TTC39B: variants seen among roughly 807,000 people sequenced by gnomAD.
TTC39B encodes the protein tetratricopeptide repeat protein 39B.
A neutral mutation model predicts 96.6 loss-of-function variants in TTC39B; 92 were observed. The observed-to-expected ratio is 0.95, with a 90% CI of 0.80 to 1.13. The LOEUF (loss-of-function observed/expected upper bound fraction) is 1.13, where lower values mean the gene tolerates loss of function less well. Among genes scored for constraint, TTC39B ranks in the 50% most tolerant of loss-of-function variants. The probability of loss-of-function intolerance (pLI) is 0.00; values close to 1 mark genes in which losing one functional copy is unlikely to be tolerated. For synonymous variants in TTC39B, 367 were observed against 299.4 expected (o/e 1.23, Z -2.33); for missense variants, 955 against 809.3 (o/e 1.18, Z -2.18).
chr9:15,199,353 A>T (rs553898484), intron 8 of TTC39B, among the ~76,000 whole-genome samples: 1 of 152,326 alleles, frequency 6.6e-6, no homozygotes, highest in Admixed American at 6.5e-5. Flanking sequence ...AGCTCTTAAA[A>T]TTGTATTTAA....
At chr9:15,290,341 A>T (rs554271562) in intron 1 of TTC39B, among the ~76,000 whole-genome samples, 1 of 152,260 alleles carries the variant, frequency 6.6e-6, no homozygotes, top group East Asian at 1.9e-4. Context: ...AGTCACACAA[A>T]AACTTCCTCC....
intron 1 of TTC39B, among the ~76,000 whole-genome samples, chr9:15,277,426 A>AAAC (rs1178571770): frequency 6.6e-6 from 1 of 152,170 alleles, no homozygotes; most frequent in Non-Finnish European, 1.5e-5. Flanking sequence ...CTCCGTCTAA[A>AAAC]AACAACAACA....
exon 6 of TTC39B, chr9:15,210,144 A>G (rs1820111237): frequency 1.9e-6 from 3 of 1,604,996 alleles, no homozygotes; most frequent in Non-Finnish European, 2.5e-6. Context: ...AGATTCTACA[A>G]CTGTGTATTT....
chr9:15,190,549 C>A lies in TTC39B; in HGVS notation c.1105+5G>T. On this transcript the variant is annotated splice_donor_5th_base_variant and intron_variant, in intron 11 of 19. Coordinates refer to ENST00000512701, the Ensembl canonical transcript of TTC39B. ...TTCAATGAAACAATCTAATCCAGAT[C>A]TTACCAAGTATTAGGGAGATGTAAG... is the stretch of plus-strand genomic sequence containing the variant. 4.4e-6 allele frequency: 7 copies of A among 1,609,156 alleles called. No individual in the cohort carries two copies. The highest frequency in any genetic ancestry group is 6.0e-6 in the Non-Finnish European group (7 of 1,175,554).
intron 3 of TTC39B, among the ~76,000 whole-genome samples, chr9:15,220,610 A>G (rs1170641623): frequency 1.3e-5 from 2 of 152,228 alleles, no homozygotes; most frequent in African/African-American, 2.4e-5. Context: ...TAAATATTAC[A>G]TCTAAGAAAG....
intron 2 of TTC39B, among the ~76,000 whole-genome samples, chr9:15,240,790 C>T (rs1822003271): frequency 6.6e-6 from 1 of 152,156 alleles, no homozygotes; most frequent in Non-Finnish European, 1.5e-5. Flanking sequence ...TTTTAGAAGT[C>T]TTCCAACCTT....
At chr9:15,216,186 C>T (rs1305898079) in intron 3 of TTC39B, among the ~76,000 whole-genome samples, 1 of 152,176 alleles carries the variant, frequency 6.6e-6, no homozygotes, top group Admixed American at 6.5e-5. Flanking sequence ...GTGCATGTAG[C>T]ATTTGTAGAC....
intron 14 of TTC39B, 26 bp from the exon 15 acceptor site, chr9:15,187,061 C>G: frequency 6.5e-7 from 1 of 1,547,578 alleles, no homozygotes. Context: ...GAGCTTATTA[C>G]AGAACATCCC....
At chr9:15,292,214 TAC>T (rs1234429381) in intron 1 of TTC39B, among the ~76,000 whole-genome samples, 1 of 152,094 alleles carries the variant, frequency 6.6e-6, no homozygotes, top group Non-Finnish European at 1.5e-5. Context: ...GAATGCTAAA[TAC>T]AGACAAAAGC....
At chr9:15,265,741 A>G (rs751215464) in intron 2 of TTC39B, among the ~76,000 whole-genome samples, 4 of 152,224 alleles carry the variant, frequency 2.6e-5, no homozygotes, top group South Asian at 2.1e-4. Flanking sequence ...GCTAAGTCAC[A>G]TTGATATCGT....
At chr9:15,226,037 G>C (rs1167742707) in intron 2 of TTC39B, 25 bp from the exon 3 acceptor site, 12 of 1,607,074 alleles carry the variant, frequency 7.5e-6, no homozygotes, top group Non-Finnish European at 8.5e-6. Context: ...GGCAGAGCAA[G>C]GTTTTTTATT....
intron 2 of TTC39B, chr9:15,249,869 C>T (rs1586957040): frequency 8.5e-7 from 1 of 1,179,128 alleles, no homozygotes; most frequent in East Asian, 6.5e-5. Context: ...TTAAAGAGAA[C>T]ATTTGAATCA....
chr9:15,265,202 G>C (rs2131545118), intron 2 of TTC39B, among the ~76,000 whole-genome samples: 1 of 129,310 alleles, frequency 7.7e-6, no homozygotes, highest in East Asian at 2.0e-4. Context: ...AAAACTAATA[G>C]ATGTTAAAAA....
At chr9:15,193,034 G>GCTCA (rs1390827410) in intron 8 of TTC39B, among the ~76,000 whole-genome samples, 1 of 152,128 alleles carries the variant, frequency 6.6e-6, no homozygotes, top group Non-Finnish European at 1.5e-5. Context: ...CCCTGCAAGC[G>GCTCA]CTCAGCTCCT....
chr9:15,257,189 T>C (rs933373518), intron 2 of TTC39B, among the ~76,000 whole-genome samples: 2 of 152,244 alleles, frequency 1.3e-5, no homozygotes, highest in African/African-American at 4.8e-5. Context: ...TATAGCTCTA[T>C]ATCAATGTTA....
At chr9:15,184,433 A>AG (rs1278748019) in intron 16 of TTC39B, among the ~76,000 whole-genome samples, 20 of 151,914 alleles carry the variant, frequency 1.3e-4, no homozygotes, top group South Asian at 1.2e-3. Flanking sequence ...AAAAAAAAAA[A>AG]AAACTCAGGA....
At chr9:15,167,614 T>C (rs1817553154) in exon 20 of TTC39B, 1 of 152,236 alleles carries the variant, frequency 6.6e-6, no homozygotes, top group Admixed American at 6.5e-5. Flanking sequence ...TAGCTGGGCA[T>C]GGTGGCACAT....
At chr9:15,194,375 A>G (rs1819030587) in intron 8 of TTC39B, among the ~76,000 whole-genome samples, 1 of 152,146 alleles carries the variant, frequency 6.6e-6, no homozygotes, top group African/African-American at 2.4e-5. Flanking sequence ...TAAAGTACCT[A>G]TCTTTCTTCA....
chr9:15,188,195 G>A, intron 13 of TTC39B, 63 bp from the exon 14 acceptor site: 2 of 1,472,932 alleles, frequency 1.4e-6, no homozygotes, highest in Non-Finnish European at 1.8e-6. Context: ...TAACCTAATG[G>A]AAAAATACAT....
Sources: allele counts gnomAD v4.1 joint callset (sites outside exome capture counted in the v4.1 genomes callset), GRCh38; gene constraint gnomAD v4.1.1; transcripts MANE v1.5; gene names NCBI Gene and HGNC (gene_info 2026-07-23, HGNC 2026-07-21).